The following ZSWIM3 variants were observed in gnomAD, a reference collection of about 807,000 sequenced individuals.
ZSWIM3 encodes the protein zinc finger SWIM-type containing 3, also known as zinc finger SWIM domain-containing protein 3.
ZSWIM3 carries 27 observed loss-of-function variants against 47.5 expected under a neutral mutation model. That is an observed-to-expected ratio of 0.57 (90% CI 0.42 to 0.78). ZSWIM3 has a LOEUF of 0.78. Among genes scored for constraint, ZSWIM3 ranks in the 30% least tolerant of loss-of-function variants. The pLI is 0.00. For missense variants in ZSWIM3, 689 were observed against 861.3 expected (o/e 0.80, Z 2.50); for synonymous variants, 333 against 333.9 (o/e 1.00, Z 0.03).
intron 1 of ZSWIM3, among the ~76,000 whole-genome samples, chr20:45,876,287 C>T (rs148929491): frequency 1.9e-3 from 292 of 151,980 alleles, no homozygotes; most frequent in African/African-American, 6.6e-3. Flanking sequence ...TCTGGTGATC[C>T]GCCCATCTCG....
intron 1 of ZSWIM3, among the ~76,000 whole-genome samples, chr20:45,866,252 C>T (rs1447708567): frequency 6.6e-6 from 1 of 151,988 alleles, no homozygotes; most frequent in Non-Finnish European, 1.5e-5. Context: ...GAGCTGAGAT[C>T]TCACCACTGC....
chr20:45,874,957 T>G (rs1277000322), intron 1 of ZSWIM3, among the ~76,000 whole-genome samples: 1 of 152,028 alleles, frequency 6.6e-6, no homozygotes, highest in African/African-American at 2.4e-5. Context: ...TTTGTTGTTA[T>G]TGTTTTTTTC....
chr20:45,872,768 C>T, intron 1 of ZSWIM3: 1 of 1,289,412 alleles, frequency 7.8e-7, no homozygotes. Flanking sequence ...TGGACTGCTC[C>T]AGCCCTTCCT....
At chr20:45,867,956 T>C (rs1985884812) in intron 1 of ZSWIM3, among the ~76,000 whole-genome samples, 1 of 152,190 alleles carries the variant, frequency 6.6e-6, no homozygotes, top group Non-Finnish European at 1.5e-5. Context: ...CATGTATCCA[T>C]AGTTACAAGG....
chr20:45,869,455 G>T (rs1283066680), intron 1 of ZSWIM3, among the ~76,000 whole-genome samples: 1 of 151,794 alleles, frequency 6.6e-6, no homozygotes, highest in East Asian at 2.0e-4. Context: ...GGAGGCAGGG[G>T]TTGCAGTGAG....
At chr20:45,861,720 A>G (rs1236719852) in intron 1 of ZSWIM3, among the ~76,000 whole-genome samples, 1 of 151,790 alleles carries the variant, frequency 6.6e-6, no homozygotes, top group Non-Finnish European at 1.5e-5. Flanking sequence ...GACTACAGGT[A>G]TGCACCCCCA....
Position 45,863,177 on chromosome 20 carries a change from TTTTG to T in ZSWIM3, c.155+5213_155+5216del, listed in dbSNP as rs1555827178. On this transcript the variant is annotated intron_variant, in intron 1 of 1. Coordinates refer to ENST00000255152, the MANE Select transcript of ZSWIM3 (RefSeq NM_080752.4). Reference sequence around the variant, plus strand: ...CTTTCATTGATTTCCTTGTTTTTTTTTTTGTTTGTTTGTTTGTTTTTTTGTTTGT... The same window carrying T: ...CTTTCATTGATTTCCTTGTTTTTTTTTTTGTTTGTTTGTTTTTTTGTTTGT... 3.0e-3 allele frequency among the ~76,000 whole-genome samples: 330 copies of T among 111,258 alleles called. 1 individual carries two copies. Among genetic ancestry groups the T allele is most frequent in the South Asian group, 0.011 (39 of 3,616 alleles). The allele number at this position is 111,258 out of a possible 152,430, so 73.0% of individuals were successfully genotyped here.
chr20:45,861,053 G>A (rs1985695560), intron 1 of ZSWIM3, among the ~76,000 whole-genome samples: 1 of 152,132 alleles, frequency 6.6e-6, no homozygotes, highest in Non-Finnish European at 1.5e-5. Flanking sequence ...TTGAAATGAA[G>A]AGTTTGAGAC....
intron 1 of ZSWIM3, among the ~76,000 whole-genome samples, chr20:45,860,510 C>CA (rs59152975): frequency 0.02 from 2,066 of 102,292 alleles, 132 homozygotes; most frequent in African/African-American, 0.094. Context: ...GACTCCATCT[C>CA]AAAAAAAAAA....
intron 1 of ZSWIM3, among the ~76,000 whole-genome samples, chr20:45,867,001 AATTTTT>A (rs1340030083): frequency 3.8e-5 from 5 of 131,180 alleles, no homozygotes; most frequent in African/African-American, 1.4e-4. Flanking sequence ...TCAAGTTAGA[AATTTTT>A]TTTTTTTTTT....
chr20:45,875,216 G>A (rs1986063755), intron 1 of ZSWIM3, among the ~76,000 whole-genome samples: 2 of 151,498 alleles, frequency 1.3e-5, no homozygotes, highest in South Asian at 4.2e-4. Context: ...CTAATTTTTT[G>A]TATTTTTAGT....
In ZSWIM3 at chr20:45,857,774, G is replaced by C; in HGVS notation, c.-52G>C. The C allele has an allele frequency of 6.3e-7, 1 of 1,598,116 alleles. No homozygotes were observed. Among genetic ancestry groups the C allele is most frequent in the Non-Finnish European group, 8.5e-7 (1 of 1,170,962 alleles). ...TAGTGTGACCTTTGACCCCTGGTGT[G>C]ATCTTGGGCCCGGGCTGGGACCAGC... is the stretch of plus-strand genomic sequence containing the variant. On this transcript the variant is annotated 5_prime_UTR_variant, in exon 1 of 2. Coordinates refer to ENST00000255152, the MANE Select transcript of ZSWIM3 (RefSeq NM_080752.4).
At chr20:45,860,200 C>A (rs1294144135) in intron 1 of ZSWIM3, among the ~76,000 whole-genome samples, 1 of 152,170 alleles carries the variant, frequency 6.6e-6, no homozygotes, top group African/African-American at 2.4e-5. Context: ...GGCTGTATTT[C>A]TTTCTGGAGT....
Position 45,878,216 on chromosome 20 carries a change from T to G in ZSWIM3, c.1658T>G (p.Phe553Cys), listed in dbSNP as rs1986153420. The change falls in exon 2 of 2, where the codon TTT (phenylalanine) becomes TGT (cysteine). Residue 553 changes from phenylalanine (F) to cysteine (C), a missense_variant. Coordinates refer to ENST00000255152, the MANE Select transcript of ZSWIM3 (RefSeq NM_080752.4). The part of the protein sequence containing the change: ...SKDGCSCSCS[F>C]QQWYHLPCRH... The stretch of plus-strand genomic sequence containing the variant: ...GATGGCTGTAGCTGCAGCTGTTCCT[T>G]TCAACAATGGTACCACCTGCCATGC... 1 of 1,614,018 alleles carries G rather than the reference T, an allele frequency of 6.2e-7. No homozygotes were observed.
At chr20:45,859,436 A>AG (rs11429311) in intron 1 of ZSWIM3, among the ~76,000 whole-genome samples, 8,381 of 112,008 alleles carry the variant, frequency 0.075, 295 homozygotes, top group South Asian at 0.17. Flanking sequence ...AAAAAAAAAA[A>AG]AAAAGAAATG....
At chr20:45,866,590 G>A (rs950287970) in intron 1 of ZSWIM3, among the ~76,000 whole-genome samples, 2 of 152,140 alleles carry the variant, frequency 1.3e-5, no homozygotes, top group Non-Finnish European at 2.9e-5. Flanking sequence ...AGGATTGCTT[G>A]AGCCCAGAAG....
chr20:45,862,251 G>A (rs1368067982), intron 1 of ZSWIM3, among the ~76,000 whole-genome samples: 5 of 149,620 alleles, frequency 3.3e-5, no homozygotes, highest in Admixed American at 6.7e-5. Context: ...TGGTTCAAGC[G>A]ATTCTCCTGC....
At chr20:45,871,402 C>T (rs2145790638) in intron 1 of ZSWIM3, among the ~76,000 whole-genome samples, 1 of 152,254 alleles carries the variant, frequency 6.6e-6, no homozygotes, top group South Asian at 2.1e-4. Context: ...AATAGGTGCT[C>T]TATGAATGTC....
chr20:45,872,147 T>C (rs1329610881), intron 1 of ZSWIM3, among the ~76,000 whole-genome samples: 1 of 152,220 alleles, frequency 6.6e-6, no homozygotes, highest in Non-Finnish European at 1.5e-5. Context: ...TAGATGATAA[T>C]AGAATCCTTT....
Sources: gnomAD v4.1 joint callset for allele counts (sites outside exome capture counted in the v4.1 genomes callset) on GRCh38, gnomAD v4.1.1 for gene constraint, MANE v1.5 for transcripts, NCBI Gene and HGNC (gene_info 2026-07-23, HGNC 2026-07-21) for gene names.